TMTC2: variants seen among roughly 807,000 people sequenced by gnomAD.
TMTC2 encodes the protein protein O-mannosyl-transferase TMTC2.
TMTC2 carries 43 observed loss-of-function variants against 82.4 expected under a neutral mutation model. The ratio of observed to expected loss-of-function variants is 0.52; its 90% CI spans 0.41 to 0.67. The LOEUF (loss-of-function observed/expected upper bound fraction) is 0.67, where lower values mean the gene tolerates loss of function less well. Among genes scored for constraint, TMTC2 ranks in the 30% least tolerant of loss-of-function variants. The probability of loss-of-function intolerance (pLI) is 0.00; values close to 1 mark genes in which losing one functional copy is unlikely to be tolerated. For missense variants in TMTC2, 919 were observed against 1,012.4 expected (o/e 0.91, Z 1.25); for synonymous variants, 408 against 381.9 (o/e 1.07, Z -0.80).
At chr12:82,695,629 G>C (rs1360519852) in intron 1 of TMTC2, among the ~76,000 whole-genome samples, 1 of 152,222 alleles carries the variant, frequency 6.6e-6, no homozygotes, top group South Asian at 2.1e-4. Flanking sequence ...TTAAATGTGA[G>C]TAAATAAACT....
intron 1 of TMTC2, among the ~76,000 whole-genome samples, chr12:82,739,900 C>T (rs559915413): frequency 6.6e-6 from 1 of 151,432 alleles, no homozygotes; most frequent in East Asian, 1.9e-4. Context: ...TTTACTACTC[C>T]ATAAGTCCTA....
chr12:83,011,084 G>A (rs370015114), intron 8 of TMTC2, among the ~76,000 whole-genome samples: 5 of 152,130 alleles, frequency 3.3e-5, no homozygotes, highest in African/African-American at 7.2e-5. Context: ...ATCCACCCAC[G>A]TCGGCATCCC....
rs146465731 is a variant in TMTC2, at chr12:82,951,447, C to T, written c.1599-13577C>T. Among the ~76,000 whole-genome samples, 1,320 of 152,180 alleles carry T rather than the reference C, an allele frequency of 8.7e-3. 19 individuals carry two copies. The highest frequency in any genetic ancestry group is 0.03 in the African/African-American group (1,239 of 41,498). On this transcript the variant is annotated intron_variant, in intron 4 of 11. Transcript: ENST00000321196. ...CTGGGACTACAGGCACATGCCGCCA[C>T]GCCCAGCTATTTTGTTGTTGTTGTT...
intron 3 of TMTC2, among the ~76,000 whole-genome samples, chr12:82,905,304 G>C (rs1192398541): frequency 6.6e-6 from 1 of 152,064 alleles, no homozygotes; most frequent in Non-Finnish European, 1.5e-5. Flanking sequence ...CAGCACATCT[G>C]GCTTGCTAAA....
At chr12:82,908,954 G>T (rs900474398) in intron 3 of TMTC2, among the ~76,000 whole-genome samples, 1 of 152,102 alleles carries the variant, frequency 6.6e-6, no homozygotes, top group Admixed American at 6.5e-5. Context: ...AAAAATCTCT[G>T]CTACAATTGT....
intron 1 of TMTC2, among the ~76,000 whole-genome samples, chr12:82,797,423 A>C (rs994141821): frequency 4.6e-5 from 7 of 152,140 alleles, no homozygotes; most frequent in African/African-American, 1.7e-4. Flanking sequence ...CTTGTTGCTA[A>C]AGTGAATAGG....
chr12:83,058,788 G>T (rs547422723), intron 10 of TMTC2, among the ~76,000 whole-genome samples: 1 of 151,896 alleles, frequency 6.6e-6, no homozygotes, highest in Non-Finnish European at 1.5e-5. Flanking sequence ...CAGAGCCACT[G>T]CTTTCCTCTT....
intron 1 of TMTC2, among the ~76,000 whole-genome samples, chr12:82,809,303 C>T (rs1160200366): frequency 1.3e-5 from 2 of 151,838 alleles, no homozygotes; most frequent in African/African-American, 2.4e-5. Context: ...ACAGATCTTG[C>T]ATTGCATGTG....
chr12:82,718,349 T>C (rs753015033), intron 1 of TMTC2, among the ~76,000 whole-genome samples: 9 of 152,182 alleles, frequency 5.9e-5, no homozygotes, highest in Non-Finnish European at 1.0e-4. Flanking sequence ...ATTAACTACA[T>C]ATGGTAATGC....
chr12:83,122,884 C>G (rs530842453), intron 11 of TMTC2, among the ~76,000 whole-genome samples: 14 of 152,322 alleles, frequency 9.2e-5, no homozygotes, highest in African/African-American at 3.1e-4. Flanking sequence ...GCATTTGAGT[C>G]ATGTGAAAGA....
intron 11 of TMTC2, among the ~76,000 whole-genome samples, chr12:83,067,707 G>A (rs113485371): frequency 2.6e-5 from 4 of 152,094 alleles, no homozygotes; most frequent in African/African-American, 9.6e-5. Context: ...TTTGATGCAG[G>A]CCTGTACTAT....
intron 1 of TMTC2, among the ~76,000 whole-genome samples, chr12:82,789,185 A>G (rs1023848747): frequency 1.4e-4 from 21 of 152,154 alleles, no homozygotes; most frequent in African/African-American, 4.6e-4. Context: ...TCTGATATGT[A>G]CGATAAAGTT....
rs564996500 is a variant in TMTC2, at chr12:82,902,736, G to T, written c.1483+6090G>T. Among the ~76,000 whole-genome samples, 3 of 152,096 alleles carry T rather than the reference G, an allele frequency of 2.0e-5. No individual in the cohort carries two copies. The South Asian group carries it at 6.2e-4, about 32-fold the overall frequency. On this transcript the variant is annotated intron_variant, in intron 3 of 11. Transcript: ENST00000321196. ...GCGGGGAGGGAGGGAGAGAGTCAAG[G>T]GTTCAAAAACTATTTATTGAGTACT...
chr12:83,122,151 T>G (rs115614529), intron 11 of TMTC2, among the ~76,000 whole-genome samples: 2 of 151,862 alleles, frequency 1.3e-5, no homozygotes, highest in African/African-American at 4.8e-5. Context: ...ACTTACCCCA[T>G]GCTACCCGCT....
chr12:83,079,861 A>C (rs115454035), intron 11 of TMTC2, among the ~76,000 whole-genome samples: 5 of 152,146 alleles, frequency 3.3e-5, no homozygotes, highest in African/African-American at 1.2e-4. Context: ...ATAATTTCTT[A>C]CCTATATTGA....
chr12:82,805,312 A>G (rs1378868734), intron 1 of TMTC2, among the ~76,000 whole-genome samples: 3 of 152,124 alleles, frequency 2.0e-5, no homozygotes, highest in African/African-American at 7.2e-5. Context: ...AGCTAAGAAC[A>G]TAAAGTACTT....
At chr12:82,897,607 C>A (rs1873748875) in intron 3 of TMTC2, among the ~76,000 whole-genome samples, 1 of 152,112 alleles carries the variant, frequency 6.6e-6, no homozygotes, top group Non-Finnish European at 1.5e-5. Flanking sequence ...CTTACTGCAA[C>A]CTCCACCTCC....
chr12:82,763,476 C>T (rs936415394), intron 1 of TMTC2, among the ~76,000 whole-genome samples: 2 of 152,174 alleles, frequency 1.3e-5, no homozygotes, highest in African/African-American at 4.8e-5. Context: ...AGCCTGACAA[C>T]AATAACCCTT....
At chr12:83,048,113 A>G (rs1364611536) in intron 9 of TMTC2, among the ~76,000 whole-genome samples, 1 of 152,252 alleles carries the variant, frequency 6.6e-6, no homozygotes, top group African/African-American at 2.4e-5. Context: ...TTGCTTAAAT[A>G]TTATGTTTTG....
Sources: gnomAD v4.1 joint callset for allele counts (sites outside exome capture counted in the v4.1 genomes callset) on GRCh38, gnomAD v4.1.1 for gene constraint, MANE v1.5 for transcripts, NCBI Gene and HGNC (gene_info 2026-07-23, HGNC 2026-07-21) for gene names.